The following ZBED4 variants were observed in gnomAD, a reference collection of about 807,000 sequenced individuals.
ZBED4 encodes zinc finger BED domain-containing protein 4.
In ZBED4, 4 loss-of-function variants were observed where a neutral mutation model predicts 15.5. That is an observed-to-expected ratio of 0.26 (90% confidence interval 0.13 to 0.59). The LOEUF (loss-of-function observed/expected upper bound fraction) is 0.59, where lower values mean the gene tolerates loss of function less well. Ranked by LOEUF, ZBED4 falls within the 20% of genes least tolerant of loss-of-function variation. The pLI is 0.90. For missense variants in ZBED4, 1,323 were observed against 1,461.8 expected (o/e 0.91, Z 1.55); for synonymous variants, 692 against 608.5 (o/e 1.14, Z -2.02).
chr22:49,887,234 G>A lies in ZBED4; in HGVS notation c.*56G>A, dbSNP rs536100655. 9.1e-6 allele frequency: 14 copies of A among 1,540,114 alleles called. No homozygotes were observed. The South Asian group carries it at 1.5e-4, about 16-fold the overall frequency. ...GTGGCTGCCCCAGCGTTAGCAGCCT[G>A]TACCAGGTCTATGACCCGCTCTGCC... On this transcript the variant is annotated 3_prime_UTR_variant, in exon 2 of 2. Coordinates refer to ENST00000216268, the MANE Select transcript of ZBED4 (RefSeq NM_014838.3).
At chr22:49,875,431 T>TC (rs2060371417) in intron 1 of ZBED4, among the ~76,000 whole-genome samples, 1 of 151,182 alleles carries the variant, frequency 6.6e-6, no homozygotes, top group African/African-American at 2.4e-5. Flanking sequence ...TTTTTTTTTC[T>TC]TTTTTTTGAG....
At chr22:49,857,959 TCAC>T (rs1469847716) in intron 1 of ZBED4, among the ~76,000 whole-genome samples, 1 of 152,120 alleles carries the variant, frequency 6.6e-6, no homozygotes. Context: ...AGACGGGGTT[TCAC>T]CATGTTGGCC....
In ZBED4 at chr22:49,884,567, C is replaced by T; in HGVS notation, c.905C>T (p.Ser302Phe). 1 of 1,613,044 alleles carries T rather than the reference C, an allele frequency of 6.2e-7. No individual in the cohort carries two copies. Among genetic ancestry groups the T allele is most frequent in the Non-Finnish European group, 8.5e-7 (1 of 1,179,416 alleles). Residue 302 changes from serine (S) to phenylalanine (F), a missense_variant, in exon 2 of 2, where the codon TCC (serine) becomes TTC (phenylalanine). Ser to Phe is a radical substitution (Grantham distance 155). Transcript: ENST00000216268. Reference sequence around the variant, plus strand: ...TTCTACCTGTCGCCACTGGACAACTCCAAAGCTGTCTGCATTCACTGCATG... The same window carrying T: ...TTCTACCTGTCGCCACTGGACAACTTCAAAGCTGTCTGCATTCACTGCATG... ...KHFYLSPLDNSKAVCIHCMNE... is the reference protein window; with the variant it reads ...KHFYLSPLDNFKAVCIHCMNE...
intron 1 of ZBED4, among the ~76,000 whole-genome samples, chr22:49,881,532 G>A (rs1980564): frequency 0.92 from 140,423 of 152,210 alleles, 64,877 homozygotes; most frequent in African/African-American, 0.98. Flanking sequence ...ATACAGGCAC[G>A]CACCACCGCA....
At chr22:49,875,575 C>A (rs1024764519) in intron 1 of ZBED4, among the ~76,000 whole-genome samples, 7 of 151,902 alleles carry the variant, frequency 4.6e-5, no homozygotes, top group African/African-American at 1.7e-4. Flanking sequence ...TGCGCACCAC[C>A]ACGCCCGGCT....
At chr22:49,868,435 A>T (rs1183560672) in intron 1 of ZBED4, among the ~76,000 whole-genome samples, 1 of 152,096 alleles carries the variant, frequency 6.6e-6, no homozygotes, top group Non-Finnish European at 1.5e-5. Flanking sequence ...CAAAAAATTA[A>T]CTGGGTGGTG....
chr22:49,852,968 C>T (rs2060257908), upstream of ZBED4: 2 of 152,256 alleles, frequency 1.3e-5, no homozygotes, highest in African/African-American at 4.8e-5. Flanking sequence ...GGGGCACAGC[C>T]GCGGGGCAGG....
In ZBED4 at chr22:49,889,043, CA is replaced by C. The variant is rs2147558999; in HGVS notation, c.*1869del. The C allele has an allele frequency of 6.0e-6, 1 of 167,318 alleles. No individual in the cohort carries two copies. The highest frequency in any genetic ancestry group is 2.4e-5 in the African/African-American group (1 of 41,572). The allele number at this position is 167,318 out of a possible 1,614,324, so 10.4% of individuals were successfully genotyped here. A position where few individuals can be genotyped will look rare whatever the true frequency, so the allele number is the denominator to read the frequency against. On this transcript the variant is annotated 3_prime_UTR_variant, in exon 2 of 2. Coordinates refer to ENST00000216268, the MANE Select transcript of ZBED4 (RefSeq NM_014838.3). Reference sequence around the variant, plus strand: ...TATTGAGCTTCATGGATTTTCTCTCCAAAACAAGCCAGCACAACTAACTGTA... The same window carrying C: ...TATTGAGCTTCATGGATTTTCTCTCCAAACAAGCCAGCACAACTAACTGTA...
intron 1 of ZBED4, among the ~76,000 whole-genome samples, chr22:49,864,653 C>T (rs2060311709): frequency 6.6e-6 from 1 of 151,776 alleles, no homozygotes; most frequent in Non-Finnish European, 1.5e-5. Context: ...CCCCTCTCTA[C>T]AAAAAATGTT....
chr22:49,888,324 A>G lies in ZBED4; in HGVS notation c.*1146A>G, dbSNP rs141430510. ...ACTCATTTGCCTACGACCTTTTAGA[A>G]AAGTTGTTTTGTTGAAATACTGTAC... On this transcript the variant is annotated 3_prime_UTR_variant, in exon 2 of 2. Transcript: ENST00000216268. The G allele has an allele frequency of 2.8e-4, 46 of 167,030 alleles. No individual in the cohort carries two copies. In the East Asian group the frequency reaches 7.1e-3, roughly 26 times the overall value. 10.3% of individuals were successfully genotyped at this position (167,030 alleles called of 1,614,324 possible).
chr22:49,868,833 C>T (rs1163721711), intron 1 of ZBED4, among the ~76,000 whole-genome samples: 5 of 151,502 alleles, frequency 3.3e-5, no homozygotes, highest in African/African-American at 9.7e-5. Context: ...GGATGCAGGC[C>T]GGGCGCAATG....
At chr22:49,862,992 G>A (rs959333479) in intron 1 of ZBED4, among the ~76,000 whole-genome samples, 2 of 151,844 alleles carry the variant, frequency 1.3e-5, no homozygotes, top group African/African-American at 2.4e-5. Flanking sequence ...GTGAGCCACC[G>A]CACCCGGCCA....
intron 1 of ZBED4, among the ~76,000 whole-genome samples, chr22:49,862,693 CTTTTT>C (rs66520307): frequency 1.7e-5 from 1 of 58,988 alleles, no homozygotes; most frequent in Non-Finnish European, 3.3e-5. Context: ...TAAGTTTTTC[CTTTTT>C]TTTTTTTTTT....
At chr22:49,876,534 A>G (rs138530015) in intron 1 of ZBED4, among the ~76,000 whole-genome samples, 2 of 152,046 alleles carry the variant, frequency 1.3e-5, no homozygotes, top group African/African-American at 2.4e-5. Flanking sequence ...TGTTATATTT[A>G]GTATGTTATT....
chr22:49,875,246 T>G (rs1010405558), intron 1 of ZBED4, among the ~76,000 whole-genome samples: 1 of 151,948 alleles, frequency 6.6e-6, no homozygotes, highest in African/African-American at 2.4e-5. Context: ...TCTTTAATGT[T>G]TGGTAGAATT....
At chr22:49,852,935 G>C (rs1601777110), upstream of ZBED4, 1 of 152,442 alleles carries the variant, frequency 6.6e-6, no homozygotes, top group East Asian at 1.9e-4. Context: ...CGTGGACTTT[G>C]GAACAGTCGG....
chr22:49,868,326 C>T (rs1229966738), intron 1 of ZBED4, among the ~76,000 whole-genome samples: 2 of 152,188 alleles, frequency 1.3e-5, no homozygotes, highest in African/African-American at 4.8e-5. Context: ...AATAACTACA[C>T]TTGAGGAAGG....
At chr22:49,879,608 T>C (rs1186013824) in intron 1 of ZBED4, among the ~76,000 whole-genome samples, 6 of 143,530 alleles carry the variant, frequency 4.2e-5, no homozygotes, top group Non-Finnish European at 9.2e-5. Flanking sequence ...CGTGTTTCTA[T>C]TGGTTGGTTT....
At chr22:49,869,312 C>G (rs576335078) in intron 1 of ZBED4, among the ~76,000 whole-genome samples, 4 of 152,092 alleles carry the variant, frequency 2.6e-5, no homozygotes, top group Non-Finnish European at 5.9e-5. Flanking sequence ...CAGAGGCACC[C>G]GTAACAGTGA....
Sources: gnomAD v4.1 joint callset for allele counts (sites outside exome capture counted in the v4.1 genomes callset) on GRCh38, gnomAD v4.1.1 for gene constraint, MANE v1.5 for transcripts, NCBI Gene and HGNC (gene_info 2026-07-23, HGNC 2026-07-21) for gene names.